The following FABP7 variants were observed in gnomAD, a reference collection of about 807,000 sequenced individuals.
FABP7 encodes fatty acid-binding protein, brain.
Under a neutral mutation model 14.2 loss-of-function variants are expected in FABP7, and 13 were observed. That is an observed-to-expected ratio of 0.91 (90% CI 0.59 to 1.45). FABP7 has a LOEUF of 1.45. FABP7 is among the 40% of genes most tolerant of loss of function. The probability of loss-of-function intolerance (pLI) is 0.00; values close to 1 mark genes in which losing one functional copy is unlikely to be tolerated. For synonymous variants in FABP7, 49 were observed against 51.4 expected, an observed-to-expected ratio of 0.95 and a Z score of 0.20; for missense variants, 149 against 157.6, an observed-to-expected ratio of 0.95 and a Z score of 0.29.
the FABP7 span, among the ~76,000 whole-genome samples, chr6:122,762,520 C>T: frequency 6.6e-6 from 1 of 152,076 alleles, no homozygotes; most frequent in African/African-American, 2.4e-5. Flanking sequence ...TATTCAACAT[C>T]GTGTTGGAAG....
chr6:122,758,585 A>G, the FABP7 span, among the ~76,000 whole-genome samples: 1 of 152,198 alleles, frequency 6.6e-6, no homozygotes, highest in African/African-American at 2.4e-5. Flanking sequence ...ATCGCTAAGA[A>G]AGTTCATAAT....
At chr6:122,782,246 A>T in intron 3 of FABP7, 1 of 933,436 alleles carries the variant, frequency 1.1e-6, no homozygotes, top group South Asian at 4.9e-5. Context: ...AAAGTACCAC[A>T]AACTTGGTGG....
In FABP7 at chr6:122,783,824, TCA is replaced by T. The variant is rs1780855190; in HGVS notation, c.*58_*59del. The T allele has an allele frequency of 7.3e-7, 1 of 1,360,906 alleles. No homozygotes were observed. Among genetic ancestry groups the T allele is most frequent in the Non-Finnish European group, 1.0e-6 (1 of 956,932 alleles). The allele number at this position is 1,360,906 out of a possible 1,614,324, so 84.3% of individuals were successfully genotyped here. On this transcript the variant is annotated 3_prime_UTR_variant, in exon 4 of 4. Coordinates refer to ENST00000368444, the MANE Select transcript of FABP7 (RefSeq NM_001446.5). ...TTCAGTTTTTCTGTTTCCTCAAGTC[TCA>T]GTGCTATCCTATTACAACATGGCTG...
the FABP7 span, among the ~76,000 whole-genome samples, chr6:122,774,251 A>G: frequency 2.0e-5 from 3 of 150,706 alleles, no homozygotes; most frequent in South Asian, 6.3e-4. Context: ...AATTCCAGCT[A>G]CTCTGGTGTC....
At chr6:122,753,863 G>C in the FABP7 span, among the ~76,000 whole-genome samples, 1 of 139,670 alleles carries the variant, frequency 7.2e-6, no homozygotes, top group East Asian at 2.2e-4. Context: ...CTGGCAATCA[G>C]TCTGATTGGT....
chr6:122,767,510 T>G, the FABP7 span, among the ~76,000 whole-genome samples: 118,243 of 152,028 alleles, frequency 0.78, 48,659 homozygotes, highest in Non-Finnish European at 0.9. Flanking sequence ...AATAAGTGGA[T>G]TGGAAAAAAT....
At chr6:122,781,430 G>T (rs1481729659) in intron 3 of FABP7, 2 of 1,401,898 alleles carry the variant, frequency 1.4e-6, no homozygotes, top group Non-Finnish European at 9.3e-7. Context: ...AAATTCATGT[G>T]TAGTTAAAAA....
the FABP7 span, among the ~76,000 whole-genome samples, chr6:122,769,049 A>C: frequency 1.3e-5 from 2 of 152,184 alleles, no homozygotes; most frequent in African/African-American, 4.8e-5. Flanking sequence ...AAACAAAGGA[A>C]TGACATAGAG....
chr6:122,770,300 T>C, the FABP7 span, among the ~76,000 whole-genome samples: 2 of 152,114 alleles, frequency 1.3e-5, no homozygotes, highest in Admixed American at 6.6e-5. Flanking sequence ...CAGCTTTTCA[T>C]GTTAACATTG....
intron 3 of FABP7, chr6:122,782,305 G>A (rs1442778197): frequency 4.4e-6 from 3 of 680,396 alleles, no homozygotes; most frequent in African/African-American, 2.0e-5. Context: ...CTGGACGCCT[G>A]AGATCAAGGC....
chr6:122,766,552 A>G, the FABP7 span, among the ~76,000 whole-genome samples: 344 of 152,286 alleles, frequency 2.3e-3, no homozygotes, highest in Non-Finnish European at 4.1e-3. Context: ...AAGTCCATAC[A>G]GTATTAGATG....
the FABP7 span, among the ~76,000 whole-genome samples, chr6:122,760,300 C>G: frequency 3.3e-5 from 5 of 152,112 alleles, no homozygotes; most frequent in African/African-American, 1.2e-4. Context: ...GTAAAATGTT[C>G]CTCTTTGTCC....
intron 3 of FABP7, 121 bp from the exon 4 acceptor site, chr6:122,783,596 A>C (rs1780848077): frequency 7.0e-7 from 1 of 1,438,230 alleles, no homozygotes; most frequent in Admixed American, 3.0e-5. Flanking sequence ...CTTATGCAGC[A>C]TTTAATGTTT....
chr6:122,764,888 C>T, the FABP7 span, among the ~76,000 whole-genome samples: 69 of 152,156 alleles, frequency 4.5e-4, no homozygotes, highest in Non-Finnish European at 7.9e-4. Context: ...CAGACTCAAG[C>T]AACTAGGCTG....
upstream of FABP7, among the ~76,000 whole-genome samples, chr6:122,777,038 G>C (rs551415903): frequency 2.6e-5 from 4 of 152,234 alleles, no homozygotes; most frequent in South Asian, 8.3e-4. Context: ...TCTTTATCTA[G>C]AGAGTGGAAG....
At chr6:122,761,044 C>A in the FABP7 span, among the ~76,000 whole-genome samples, 95 of 152,216 alleles carry the variant, frequency 6.2e-4, no homozygotes, top group Admixed American at 1.2e-3. Context: ...TTAGTTCTGT[C>A]CCTCTTCCCC....
the FABP7 span, among the ~76,000 whole-genome samples, chr6:122,751,258 T>A: frequency 6.6e-6 from 1 of 152,212 alleles, no homozygotes; most frequent in Non-Finnish European, 1.5e-5. Context: ...AGGGTGGTTG[T>A]GAGAATTAAG....
intron 3 of FABP7, 140 bp downstream of exon 3, chr6:122,781,334 T>A: frequency 6.5e-7 from 1 of 1,540,340 alleles, no homozygotes; most frequent in Non-Finnish European, 8.8e-7. Context: ...GCAAGGTTCT[T>A]TAACTATATG....
the FABP7 span, among the ~76,000 whole-genome samples, chr6:122,753,795 G>GC: frequency 5.3e-5 from 2 of 37,704 alleles, 1 homozygote; most frequent in Non-Finnish European, 9.8e-5. Flanking sequence ...CCCCCCCCCC[G>GC]CCCACAGAAG....
Sources: allele counts gnomAD v4.1 joint callset (sites outside exome capture counted in the v4.1 genomes callset), GRCh38; gene constraint gnomAD v4.1.1; transcripts MANE v1.5; gene names NCBI Gene and HGNC (gene_info 2026-07-23, HGNC 2026-07-21).